The following MEI4 variants were observed in gnomAD, a reference collection of about 807,000 sequenced individuals.
The protein encoded by MEI4 is meiosis-specific protein MEI4.
Under a neutral mutation model 31.4 loss-of-function variants are expected in MEI4, and 27 were observed. That is an observed-to-expected ratio of 0.86 (90% CI 0.63 to 1.19). MEI4 has a LOEUF of 1.19. Ranked by LOEUF, MEI4 falls within the 50% of genes most tolerant of loss-of-function variation. The probability of loss-of-function intolerance (pLI) is 0.00; values close to 1 mark genes in which losing one functional copy is unlikely to be tolerated. For missense variants in MEI4, 329 were observed against 398.9 expected (o/e 0.82, Z 1.49); for synonymous variants, 122 against 145.4 (o/e 0.84, Z 1.16).
intron 1 of MEI4, among the ~76,000 whole-genome samples, chr6:77,679,602 AGTT>A (rs1768913826): frequency 6.6e-6 from 1 of 152,292 alleles, no homozygotes; most frequent in South Asian, 2.1e-4. Context: ...AGAAGACAGC[AGTT>A]GTTAGACTGC....
chr6:77,802,376 G>A (rs1392517332), intron 3 of MEI4, among the ~76,000 whole-genome samples: 2 of 152,146 alleles, frequency 1.3e-5, no homozygotes, highest in African/African-American at 4.8e-5. Flanking sequence ...CTGCATGTGA[G>A]ATGGGTTTCC....
chr6:77,825,921 C>T (rs559530980), intron 3 of MEI4, among the ~76,000 whole-genome samples: 3 of 152,154 alleles, frequency 2.0e-5, no homozygotes, highest in Non-Finnish European at 2.9e-5. Flanking sequence ...ACAATCTATA[C>T]TCTGTGCATG....
chr6:77,817,351 T>A (rs910171938), intron 3 of MEI4, among the ~76,000 whole-genome samples: 11 of 152,154 alleles, frequency 7.2e-5, no homozygotes, highest in Non-Finnish European at 1.3e-4. Flanking sequence ...ATCCTTGAGT[T>A]CAGGATCATC....
At chr6:77,919,162 C>A (rs1181599093) in intron 4 of MEI4, among the ~76,000 whole-genome samples, 1 of 151,992 alleles carries the variant, frequency 6.6e-6, no homozygotes, top group Non-Finnish European at 1.5e-5. Context: ...TAGACATCTA[C>A]AGAACTCTCC....
intron 4 of MEI4, among the ~76,000 whole-genome samples, chr6:77,908,718 G>A (rs1187355629): frequency 1.3e-5 from 2 of 152,034 alleles, no homozygotes; most frequent in East Asian, 1.9e-4. Context: ...TGATAAAACA[G>A]ACTTTAAACC....
intron 2 of MEI4, among the ~76,000 whole-genome samples, chr6:77,719,263 G>A (rs1360618942): frequency 1.5e-5 from 2 of 136,412 alleles, no homozygotes; most frequent in East Asian, 4.2e-4. Flanking sequence ...TTGATTCTTT[G>A]GGAATTTCCT....
chr6:77,804,932 TG>T (rs1382101622), intron 3 of MEI4, among the ~76,000 whole-genome samples: 1 of 152,134 alleles, frequency 6.6e-6, no homozygotes, highest in African/African-American at 2.4e-5. Context: ...ATATATTTTA[TG>T]GGGCATTGGA....
At chr6:77,668,637 A>G (rs896470693) in intron 1 of MEI4, among the ~76,000 whole-genome samples, 3 of 152,210 alleles carry the variant, frequency 2.0e-5, no homozygotes, top group Non-Finnish European at 2.9e-5. Flanking sequence ...GAGTCAAACT[A>G]TATCTTCATC....
intron 1 of MEI4, among the ~76,000 whole-genome samples, chr6:77,654,428 G>A (rs997242499): frequency 6.6e-6 from 1 of 151,608 alleles, no homozygotes; most frequent in Non-Finnish European, 1.5e-5. Flanking sequence ...CAGGTTCTCT[G>A]ACATGCACTG....
intron 1 of MEI4, among the ~76,000 whole-genome samples, chr6:77,662,704 G>A (rs144346602): frequency 0.011 from 1,599 of 152,268 alleles, 29 homozygotes; most frequent in African/African-American, 0.035. Context: ...AGGCTACAGG[G>A]TGTGGTCCTG....
chr6:77,751,332 G>A (rs536946816), intron 2 of MEI4, among the ~76,000 whole-genome samples: 1 of 152,086 alleles, frequency 6.6e-6, no homozygotes, highest in African/African-American at 2.4e-5. Flanking sequence ...GTGAATCCAG[G>A]AGGTGGTTTG....
chr6:77,816,591 C>T (rs1769694774), intron 3 of MEI4, among the ~76,000 whole-genome samples: 1 of 152,056 alleles, frequency 6.6e-6, no homozygotes, highest in African/African-American at 2.4e-5. Context: ...AATAGTGCCG[C>T]AATAAACATA....
At chr6:77,741,626 T>C (rs938443031) in intron 2 of MEI4, among the ~76,000 whole-genome samples, 3 of 152,068 alleles carry the variant, frequency 2.0e-5, no homozygotes, top group Non-Finnish European at 4.4e-5. Flanking sequence ...TTAATTTTAA[T>C]TTTTATTTTT....
At chr6:77,824,136 C>T (rs1769889470) in intron 3 of MEI4, among the ~76,000 whole-genome samples, 1 of 152,114 alleles carries the variant, frequency 6.6e-6, no homozygotes, top group South Asian at 2.1e-4. Context: ...GTTGCACAGG[C>T]TGGAGTGAAG....
At chr6:77,793,796 A>G (rs1020446585) in intron 3 of MEI4, among the ~76,000 whole-genome samples, 2 of 152,148 alleles carry the variant, frequency 1.3e-5, no homozygotes, top group African/African-American at 4.8e-5. Flanking sequence ...TGATACAGAA[A>G]AAATTAAGAG....
chr6:77,893,380 T>C (rs1562028561), intron 4 of MEI4, among the ~76,000 whole-genome samples: 1 of 152,190 alleles, frequency 6.6e-6, no homozygotes, highest in Non-Finnish European at 1.5e-5. Flanking sequence ...CTTTGAAGAT[T>C]TTGCTAGTTT....
chr6:77,806,620 A>T (rs925320751), intron 3 of MEI4, among the ~76,000 whole-genome samples: 2 of 152,192 alleles, frequency 1.3e-5, no homozygotes, highest in African/African-American at 4.8e-5. Flanking sequence ...GATGTAAAAA[A>T]TAAAAATGGA....
rs1461314550 is a variant in MEI4 at position 77,704,728 on chromosome 6, A to C, written c.232+13825A>C. The stretch of plus-strand genomic sequence containing the variant: ...AAAGTGAAACATATGTTCAGGGAGC[A>C]TAATAAAAAAATTTTACCAGAGAAG... On this transcript the variant is annotated intron_variant, in intron 2 of 4. Transcript: ENST00000684080. 3.3e-5 allele frequency among the ~76,000 whole-genome samples: 5 copies of C among 152,214 alleles called. 1 individual carries two copies.
chr6:77,830,344 CAGTA>C (rs1217962234), intron 4 of MEI4, among the ~76,000 whole-genome samples: 1 of 151,924 alleles, frequency 6.6e-6, no homozygotes, highest in Non-Finnish European at 1.5e-5. Context: ...TGGAGGATGT[CAGTA>C]AGTGCAGAAA....
Sources: gnomAD v4.1 joint callset for allele counts (sites outside exome capture counted in the v4.1 genomes callset) on GRCh38, gnomAD v4.1.1 for gene constraint, MANE v1.5 for transcripts, NCBI Gene and HGNC (gene_info 2026-07-23, HGNC 2026-07-21) for gene names.